Variants in OR4N2 observed in about 807,000 individuals in gnomAD.
The protein encoded by OR4N2 is olfactory receptor family 4 subfamily N member 2, also known as olfactory receptor 4N2.
For missense variants in OR4N2, 307 were observed against 377.6 expected (o/e 0.81, Z 1.55); for synonymous variants, 141 against 140.4 (o/e 1.00, Z -0.03).
chr14:19,825,014 T>C (rs558514289), intron 1 of OR4N2, among the ~76,000 whole-genome samples: 11 of 152,380 alleles, frequency 7.2e-5, no homozygotes, highest in African/African-American at 2.6e-4. Flanking sequence ...AATTTTTATA[T>C]AGGCAGATAG....
chr14:19,819,883 T>A (rs1200714162), intron 1 of OR4N2, among the ~76,000 whole-genome samples: 1 of 152,256 alleles, frequency 6.6e-6, no homozygotes, highest in African/African-American at 2.4e-5. Flanking sequence ...GGACATCCTT[T>A]TTGTTGATGC....
chr14:19,818,853 G>A lies in OR4N2; in HGVS notation c.-9-8587G>A, dbSNP rs1298667541. Among the ~76,000 whole-genome samples the A allele has an allele frequency of 1.9e-3, 287 of 152,264 alleles. 1 individual carries two copies. The highest frequency in any genetic ancestry group is 6.4e-3 in the African/African-American group (266 of 41,536). On this transcript the variant is annotated intron_variant, in intron 1 of 1. Coordinates refer to ENST00000557677, the MANE Select transcript of OR4N2 (RefSeq NM_001004723.3). The stretch of plus-strand genomic sequence containing the variant: ...CTTTCCATATTTAGTGCTTCCTTCT[G>A]GAGCTCTTGTAAGGCAGGCCTGGTG...
At chr14:19,819,415 C>CA (rs1879507644) in intron 1 of OR4N2, among the ~76,000 whole-genome samples, 1 of 152,222 alleles carries the variant, frequency 6.6e-6, no homozygotes, top group South Asian at 2.1e-4. Context: ...ATCTTGTCGT[C>CA]ACGCTTTATT....
chr14:19,822,295 T>C (rs1407045269), intron 1 of OR4N2: 1 of 152,244 alleles, frequency 6.6e-6, no homozygotes, highest in East Asian at 1.9e-4. Flanking sequence ...CCAAAAATCA[T>C]ACAAATGACT....
chr14:19,812,329 C>CTTTTTTTTTTTTTTTT (rs3078143), intron 1 of OR4N2, among the ~76,000 whole-genome samples: 67 of 117,392 alleles, frequency 5.7e-4, no homozygotes, highest in East Asian at 1.3e-3. Flanking sequence ...CTTTTCTTTT[C>CTTTTTTTTTTTTTTTT]TTTTTTTTTT....
rs1879833519 is a variant in OR4N2, at chr14:19,830,163, G to A, written c.*1791G>A. The A allele has an allele frequency of 6.6e-6, 1 of 152,442 alleles. No homozygotes were observed. The highest frequency in any genetic ancestry group is 2.1e-4 in the South Asian group (1 of 4,834). 9.4% of individuals were successfully genotyped at this position (152,442 alleles called of 1,614,324 possible). A position where few individuals can be genotyped will look rare whatever the true frequency, so the allele number is the denominator to read the frequency against. On this transcript the variant is annotated 3_prime_UTR_variant, in exon 2 of 2. Coordinates refer to ENST00000557677, the MANE Select transcript of OR4N2 (RefSeq NM_001004723.3). ...TAACATGAACTTTGTCCTCCCTATT[G>A]GGTGTAACCTTTAGCGTGTAACCAC...
chr14:19,827,155 TC>T (rs1363232885), intron 1 of OR4N2, among the ~76,000 whole-genome samples: 1 of 152,238 alleles, frequency 6.6e-6, no homozygotes, highest in Non-Finnish European at 1.5e-5. Context: ...AATGTAGGAA[TC>T]CCAACGTGGA....
chr14:19,828,602 GA>G lies in OR4N2; in HGVS notation c.*232del, dbSNP rs1341352930. 2.1e-6 allele frequency: 1 copy of G among 484,322 alleles called. No homozygotes were observed. Among genetic ancestry groups the G allele is most frequent in the Non-Finnish European group, 3.7e-6 (1 of 273,420 alleles). The allele number at this position is 484,322 out of a possible 1,614,324, so 30.0% of individuals were successfully genotyped here. ...TAGAAAATAAACAGCATAGTTTCAG[GA>G]AGAGATACTGCTCTGTAAAAACTAA... On this transcript the variant is annotated 3_prime_UTR_variant, in exon 2 of 2. Transcript: ENST00000557677.
intron 1 of OR4N2, among the ~76,000 whole-genome samples, chr14:19,820,342 G>A (rs552286463): frequency 5.5e-4 from 84 of 152,346 alleles, no homozygotes; most frequent in African/African-American, 1.9e-3. Flanking sequence ...GAATTTGTCT[G>A]CTCTTAATTC....
At chr14:19,804,118 A>G (rs1879095854) in intron 1 of OR4N2, among the ~76,000 whole-genome samples, 1 of 152,190 alleles carries the variant, frequency 6.6e-6, no homozygotes, top group Non-Finnish European at 1.5e-5. Flanking sequence ...CCAATGCTCT[A>G]TCAATCTGAT....
At chr14:19,825,575 A>G (rs1879675163) in intron 1 of OR4N2, among the ~76,000 whole-genome samples, 2 of 146,284 alleles carry the variant, frequency 1.4e-5, no homozygotes, top group Admixed American at 6.8e-5. Flanking sequence ...ATTTATTTTG[A>G]GACGGAGTCT....
chr14:19,829,116 A>G lies in OR4N2; in HGVS notation c.*744A>G, dbSNP rs1255926192. On this transcript the variant is annotated 3_prime_UTR_variant, in exon 2 of 2. Coordinates refer to ENST00000557677, the MANE Select transcript of OR4N2 (RefSeq NM_001004723.3). ...ATTAAGAGGAAAATATTATATTTGT[A>G]AGTGCACTTTGAAAGATATTAAACT... The G allele has an allele frequency of 1.3e-5, 2 of 152,260 alleles. No individual in the cohort carries two copies. The highest frequency in any genetic ancestry group is 2.9e-5 in the Non-Finnish European group (2 of 68,052). The allele number at this position is 152,260 out of a possible 1,614,324, so 9.4% of individuals were successfully genotyped here.
At chr14:19,804,985 G>C (rs1414039595) in intron 1 of OR4N2, among the ~76,000 whole-genome samples, 2 of 152,230 alleles carry the variant, frequency 1.3e-5, no homozygotes, top group East Asian at 3.9e-4. Flanking sequence ...TTGGTTTATA[G>C]TCTATTTTGT....
intron 1 of OR4N2, among the ~76,000 whole-genome samples, chr14:19,813,558 A>G (rs2138467657): frequency 6.6e-6 from 1 of 152,386 alleles, no homozygotes; most frequent in African/African-American, 2.4e-5. Flanking sequence ...GCTTAAGGGT[A>G]ATTTTTACCA....
Position 19,829,704 on chromosome 14 carries a change from G to A in OR4N2, c.*1332G>A, listed in dbSNP as rs1442195644. On this transcript the variant is annotated 3_prime_UTR_variant, in exon 2 of 2. Transcript: ENST00000557677. ...CTGACTATATATTCAAATCTCAAAT[G>A]AGTACATTAAATGGGCAGCATCCAA... 1 of 152,236 alleles carries A rather than the reference G, an allele frequency of 6.6e-6. No individual in the cohort carries two copies. The highest frequency in any genetic ancestry group is 2.4e-5 in the African/African-American group (1 of 41,462). 9.4% of individuals were successfully genotyped at this position (152,236 alleles called of 1,614,324 possible). A position where few individuals can be genotyped will look rare whatever the true frequency, so the allele number is the denominator to read the frequency against.
intron 1 of OR4N2, among the ~76,000 whole-genome samples, chr14:19,806,256 C>G (rs554038987): frequency 1.3e-5 from 2 of 152,116 alleles, no homozygotes; most frequent in Admixed American, 6.5e-5. Flanking sequence ...TATCTAAATG[C>G]CCTACTTAAA....
intron 1 of OR4N2, among the ~76,000 whole-genome samples, chr14:19,815,593 A>C (rs552268287): frequency 1.0e-4 from 15 of 150,150 alleles, no homozygotes; most frequent in African/African-American, 3.4e-4. Flanking sequence ...AGATGGATAG[A>C]TTGCAAAAAT....
At chr14:19,813,950 TTCTC>T (rs57328169) in intron 1 of OR4N2, among the ~76,000 whole-genome samples, 16 of 151,874 alleles carry the variant, frequency 1.1e-4, no homozygotes, top group Middle Eastern at 6.9e-3. Flanking sequence ...TTTTCTGTAC[TTCTC>T]TCTCTCTCTT....
rs10135614 is a variant in OR4N2, at chr14:19,828,566, C to T, written c.*194C>T. On this transcript the variant is annotated 3_prime_UTR_variant, in exon 2 of 2. Transcript: ENST00000557677. ...GAGATACAACCTAGTAAAAATAGAC[C>T]ACCATTAAGGTAGAAAATAAACAGC... The T allele has an allele frequency of 0.27, 153,249 of 563,912 alleles. 9,912 individuals are homozygous for T. Among genetic ancestry groups the T allele is most frequent in the African/African-American group, 0.4 (20,543 of 51,982 alleles). 34.9% of individuals were successfully genotyped at this position (563,912 alleles called of 1,614,324 possible).
Sources: allele counts gnomAD v4.1 joint callset (sites outside exome capture counted in the v4.1 genomes callset), GRCh38; gene constraint gnomAD v4.1.1; transcripts MANE v1.5; gene names NCBI Gene and HGNC (gene_info 2026-07-23, HGNC 2026-07-21).